The following VPS13B variants were observed in gnomAD, a reference collection of about 807,000 sequenced individuals.
VPS13B encodes the protein intermembrane lipid transfer protein VPS13B.
VPS13B carries 285 observed loss-of-function variants against 426.4 expected under a neutral mutation model. That is an observed-to-expected ratio of 0.67 (90% CI 0.61 to 0.74). The LOEUF is 0.74. VPS13B is among the 30% of genes least tolerant of loss of function. The pLI, the probability that VPS13B is intolerant of heterozygous loss-of-function variation, is 0.00. For missense variants in VPS13B, 4,537 were observed against 4,782.6 expected (o/e 0.95, Z 1.51); for synonymous variants, 1,676 against 1,676.4 (o/e 1.00, Z 0.01).
chr8:99,436,633 T>C (rs1443992214), intron 22 of VPS13B, among the ~76,000 whole-genome samples: 3 of 152,208 alleles, frequency 2.0e-5, no homozygotes, highest in African/African-American at 7.2e-5. Context: ...ACTATATATT[T>C]AAACATTTCC....
At chr8:99,285,285 A>G (rs984218151) in intron 19 of VPS13B, among the ~76,000 whole-genome samples, 1 of 152,168 alleles carries the variant, frequency 6.6e-6, no homozygotes, top group African/African-American at 2.4e-5. Flanking sequence ...CTTCCTTTGA[A>G]AGGTCCCAGA....
intron 3 of VPS13B, among the ~76,000 whole-genome samples, chr8:99,074,598 A>G (rs1245367423): frequency 2.0e-5 from 3 of 151,900 alleles, no homozygotes; most frequent in African/African-American, 4.8e-5. Flanking sequence ...TGAGAATTTT[A>G]AATCTATGTT....
intron 24 of VPS13B, among the ~76,000 whole-genome samples, chr8:99,468,100 G>A (rs778581409): frequency 2.3e-4 from 35 of 152,116 alleles, no homozygotes; most frequent in Non-Finnish European, 3.2e-4. Flanking sequence ...TGCTGCACCC[G>A]TTAACTCATC....
chr8:99,657,470 T>TGTGTCTGTGTGTGTGTG (rs60760111), intron 34 of VPS13B, among the ~76,000 whole-genome samples: 2,432 of 147,002 alleles, frequency 0.017, 61 homozygotes, highest in African/African-American at 0.058. Flanking sequence ...ACTTTAAAAA[T>TGTGTCTGTGTGTGTGTG]TGTGTGTGTG....
At chr8:99,035,381 C>T (rs1842696282) in intron 2 of VPS13B, among the ~76,000 whole-genome samples, 2 of 152,116 alleles carry the variant, frequency 1.3e-5, no homozygotes, top group Non-Finnish European at 2.9e-5. Flanking sequence ...TTCTAAGAGT[C>T]TGACAATGTT....
At chr8:99,851,224 A>G (rs1348896186) in intron 55 of VPS13B, among the ~76,000 whole-genome samples, 1 of 152,212 alleles carries the variant, frequency 6.6e-6, no homozygotes, top group African/African-American at 2.4e-5. Flanking sequence ...AGGTACAAGT[A>G]TTTCTTGGAA....
chr8:99,198,674 A>G (rs1814095079), intron 17 of VPS13B, among the ~76,000 whole-genome samples: 1 of 152,090 alleles, frequency 6.6e-6, no homozygotes, highest in African/African-American at 2.4e-5. Flanking sequence ...TAATTTTTGC[A>G]TATTGAGGAG....
intron 8 of VPS13B, among the ~76,000 whole-genome samples, chr8:99,124,975 A>G (rs1269873151): frequency 6.6e-6 from 1 of 152,092 alleles, no homozygotes; most frequent in Non-Finnish European, 1.5e-5. Context: ...TAAGCCAGAC[A>G]CAAAAGGACA....
intron 35 of VPS13B, among the ~76,000 whole-genome samples, chr8:99,690,227 C>T (rs1455322678): frequency 6.6e-6 from 1 of 152,152 alleles, no homozygotes; most frequent in Non-Finnish European, 1.5e-5. Context: ...ACAAATGTTG[C>T]TGACATAACT....
At chr8:99,354,900 C>CA (rs1554750030) in intron 19 of VPS13B, among the ~76,000 whole-genome samples, 1 of 152,050 alleles carries the variant, frequency 6.6e-6, no homozygotes, top group Non-Finnish European at 1.5e-5. Flanking sequence ...GGGCAACACT[C>CA]AGAGTGGATT....
intron 3 of VPS13B, among the ~76,000 whole-genome samples, chr8:99,061,556 C>CT (rs1170333694): frequency 8.5e-6 from 1 of 117,134 alleles, no homozygotes; most frequent in Non-Finnish European, 1.8e-5. Flanking sequence ...ATTTTTGTTC[C>CT]TTTTTTTCTT....
At chr8:99,357,966 G>A (rs1812270988) in intron 19 of VPS13B, among the ~76,000 whole-genome samples, 1 of 150,488 alleles carries the variant, frequency 6.6e-6, no homozygotes, top group Non-Finnish European at 1.5e-5. Context: ...TTTCTTCATT[G>A]GTAAAATGGG....
chr8:99,190,000 G>A (rs531406882), intron 16 of VPS13B, among the ~76,000 whole-genome samples: 83 of 152,176 alleles, frequency 5.5e-4, no homozygotes, highest in Middle Eastern at 3.4e-3. Flanking sequence ...TTTACTTACG[G>A]TCTATTTGTT....
chr8:99,736,966 A>G (rs1002925594), intron 39 of VPS13B, among the ~76,000 whole-genome samples: 4 of 152,114 alleles, frequency 2.6e-5, no homozygotes, highest in African/African-American at 9.7e-5. Context: ...GGTAAATAGC[A>G]AAGCTGAGAT....
chr8:99,427,290 A>G (rs1443146289), intron 21 of VPS13B, among the ~76,000 whole-genome samples: 1 of 112,846 alleles, frequency 8.9e-6, no homozygotes, highest in African/African-American at 3.6e-5. Flanking sequence ...TTTTGGTACC[A>G]GTACCATGCT....
At position 99,162,739 on chromosome 8, in the gene VPS13B, G is replaced by A. The variant is rs561084730; in HGVS notation, c.2208+5996G>A. On this transcript the variant is annotated intron_variant, in intron 15 of 61. Transcript: ENST00000357162. ...GAGTGTTACAGCTCATAAAAGCAGC[G>A]TGGACCCAAAGAGTGAGCAATAGCA... Among the ~76,000 whole-genome samples, 5 of 152,296 alleles carry A rather than the reference G, an allele frequency of 3.3e-5. No individual in the cohort carries two copies. In the South Asian group the frequency reaches 8.3e-4, roughly 25 times the overall value.
At chr8:99,491,582 T>C (rs920308689) in intron 25 of VPS13B, among the ~76,000 whole-genome samples, 1 of 152,196 alleles carries the variant, frequency 6.6e-6, no homozygotes, top group Non-Finnish European at 1.5e-5. Flanking sequence ...TTTTCTCTTA[T>C]CTTGTCTTCT....
intron 30 of VPS13B, among the ~76,000 whole-genome samples, chr8:99,547,214 T>G (rs1434200036): frequency 2.0e-5 from 3 of 152,036 alleles, no homozygotes; most frequent in African/African-American, 7.2e-5. Context: ...GAGCTGAATA[T>G]TTTGAACAAA....
intron 3 of VPS13B, among the ~76,000 whole-genome samples, chr8:99,039,078 T>G (rs1350119198): frequency 6.6e-6 from 1 of 152,194 alleles, no homozygotes; most frequent in Non-Finnish European, 1.5e-5. Flanking sequence ...TCATACAGAT[T>G]TTACTTTGTC....
Sources: gnomAD v4.1 joint callset for allele counts (sites outside exome capture counted in the v4.1 genomes callset) on GRCh38, gnomAD v4.1.1 for gene constraint, MANE v1.5 for transcripts, NCBI Gene and HGNC (gene_info 2026-07-23, HGNC 2026-07-21) for gene names.